Variants in RSC1A1 observed in about 807,000 individuals in gnomAD.
RSC1A1 encodes regulatory solute carrier protein family 1 member 1.
Under a neutral mutation model 7.7 loss-of-function variants are expected in RSC1A1, and 6 were observed. The ratio of observed to expected loss-of-function variants is 0.78; its 90% CI spans 0.43 to 1.53. The LOEUF is 1.53. RSC1A1 is among the 40% of genes most tolerant of loss of function. The pLI is 0.01. For synonymous variants in RSC1A1, 250 were observed against 263.0 expected (o/e 0.95, Z 0.48); for missense variants, 729 against 726.3 (o/e 1.00, Z -0.04).
Position 15,660,453 on chromosome 1 carries a change from C to A in RSC1A1, c.585C>A (p.Asp195Glu), listed in dbSNP as rs1324303479. ...HDQEYLCNIG[D>E]LELPEERQQN... ...AAGAATATCTTTGTAACATAGGGGA[C>A]CTTGAGCTTCCTGAAGAAAGGCAAC... Residue 195 changes from aspartate to glutamate, a missense_variant, in exon 1 of 1, where the codon GAC (aspartate) becomes GAA (glutamate). Asp to Glu is a conservative substitution (Grantham distance 45, BLOSUM62 2). Transcript: ENST00000345034. 4 of 1,613,970 alleles carry A rather than the reference C, an allele frequency of 2.5e-6. No homozygotes were observed. The African/African-American group carries it at 5.3e-5, about 22-fold the overall frequency.
rs777146024 is a variant in RSC1A1, at chr1:15,661,579, A to T, written c.1711A>T (p.Ile571Phe). The T allele has an allele frequency of 1.2e-6, 2 of 1,613,992 alleles. No individual in the cohort carries two copies. Among genetic ancestry groups the T allele is most frequent in the South Asian group, 2.2e-5 (2 of 91,064 alleles). The change falls in exon 1 of 1, where the codon ATT becomes TTT. Residue 571 changes from isoleucine to phenylalanine, a missense_variant. By Grantham distance (21) the Ile-to-Phe change is conservative. Coordinates refer to ENST00000345034, the MANE Select transcript of RSC1A1 (RefSeq NM_006511.3). ...SSSPAILPPL[I>F]FPATDIDRIL... ...AAGTCCTGCCATTCTTCCACCATTG[A>T]TTTTTCCTGCCACAGATATTGACCG...
rs970742370 is a variant in RSC1A1, at chr1:15,660,315, A to G, written c.447A>G (p.Glu149=). 6.2e-7 allele frequency: 1 copy of G among 1,614,186 alleles called. No homozygotes were observed. Among genetic ancestry groups the G allele is most frequent in the South Asian group, 1.1e-5 (1 of 91,086 alleles). Residue 149 remains glutamate, a synonymous_variant, in exon 1 of 1, where the codon GAA becomes GAG. Transcript: ENST00000345034. ...RMHEPQMFLG[E]KDWHPENQNL... ...ATGAACCACAGATGTTTCTAGGTGA[A>G]AAGGATTGGCATCCAGAAAATCAGA... is the stretch of plus-strand genomic sequence containing the variant.
Position 15,660,126 on chromosome 1 carries a change from T to C in RSC1A1, c.258T>C (p.His86=). The part of the protein sequence containing the change: ...DLSDHASSAD[H]APTDQSPAMP... The stretch of plus-strand genomic sequence containing the variant: ...CTGATCATGCTTCCTCAGCAGACCA[T>C]GCTCCAACAGACCAGAGTCCAGCTA... Residue 86 remains histidine, a synonymous_variant, in exon 1 of 1, where the codon CAT becomes CAC. Transcript: ENST00000345034. 1.2e-6 allele frequency: 2 copies of C among 1,614,224 alleles called. No homozygotes were observed. The highest frequency in any genetic ancestry group is 1.7e-6 in the Non-Finnish European group (2 of 1,180,040).
rs1368168920 is a variant in RSC1A1, at chr1:15,660,966, C to T, written c.1098C>T (p.Ser366=). ...LKELHELLVV[S]SKPASENTSE... Reference sequence around the variant, plus strand: ...AACTTCATGAACTTTTGGTTGTTAGCAGTAAACCAGCTTCAGAAAATACAT... The same window carrying T: ...AACTTCATGAACTTTTGGTTGTTAGTAGTAAACCAGCTTCAGAAAATACAT... Residue 366 remains serine, a synonymous_variant, in exon 1 of 1, where the codon AGC becomes AGT. Transcript: ENST00000345034. 1 of 1,613,590 alleles carries T rather than the reference C, an allele frequency of 6.2e-7. No homozygotes were observed. The highest frequency in any genetic ancestry group is 2.2e-5 in the East Asian group (1 of 44,874).
chr1:15,660,030 G>A lies in RSC1A1; in HGVS notation c.162G>A (p.Lys54=), dbSNP rs764765870. Residue 54 remains lysine, a synonymous_variant, in exon 1 of 1, where the codon AAG becomes AAA. Transcript: ENST00000345034. The part of the protein sequence containing the change: ...DSDRIEPKAV[K]ALKASAEFQL... ...ATCGCATTGAACCTAAAGCTGTGAA[G>A]GCTTTGAAGGCTTCAGCTGAATTCC... is the stretch of plus-strand genomic sequence containing the variant. The A allele has an allele frequency of 9.9e-6, 16 of 1,613,956 alleles. No homozygotes were observed. Among genetic ancestry groups the A allele is most frequent in the Non-Finnish European group, 1.1e-5 (13 of 1,180,018 alleles).
Position 15,661,185 on chromosome 1 carries a change from A to C in RSC1A1, c.1317A>C (p.Glu439Asp). 1 of 1,614,188 alleles carries C rather than the reference A, an allele frequency of 6.2e-7. No homozygotes were observed. The highest frequency in any genetic ancestry group is 8.5e-7 in the Non-Finnish European group (1 of 1,180,022). Residue 439 changes from glutamate (E) to aspartate (D), a missense_variant, in exon 1 of 1, where the codon GAA becomes GAC. Glu to Asp is a conservative substitution (Grantham distance 45, BLOSUM62 2). Transcript: ENST00000345034. The stretch of plus-strand genomic sequence containing the variant: ...GTACTTCATCTGACACTGGAAGAGA[A>C]GCTGTAGAAAATGTAAACTTCAGGA... The part of the protein sequence containing the change: ...LTGTSSDTGR[E>D]AVENVNFRSL...
In RSC1A1 at chr1:15,661,077, G is replaced by A; in HGVS notation, c.1209G>A (p.Glu403=). ...TTTCTGAAAGATGGACCCAAAATGA[G>A]CATCTTACCCAGAATGAACAGTGTC... ...KDLSERWTQN[E]HLTQNEQCPQ... is the part of the protein sequence containing the mutation. Residue 403 remains glutamate (E), a synonymous_variant, in exon 1 of 1, where the codon GAG becomes GAA. Coordinates refer to ENST00000345034, the MANE Select transcript of RSC1A1 (RefSeq NM_006511.3). 6.2e-7 allele frequency: 1 copy of A among 1,614,124 alleles called. No individual in the cohort carries two copies. The highest frequency in any genetic ancestry group is 1.1e-5 in the South Asian group (1 of 91,066).
rs1471394151 is a variant in RSC1A1, at chr1:15,661,730, A to G, written c.*8A>G. The G allele has an allele frequency of 6.3e-7, 1 of 1,599,300 alleles. No homozygotes were observed. The highest frequency in any genetic ancestry group is 1.3e-5 in the African/African-American group (1 of 74,606). On this transcript the variant is annotated 3_prime_UTR_variant, in exon 1 of 1. Transcript: ENST00000345034. ...ATCGTAGTTCCTACATGACTGTGGG[A>G]AAGTGGGCTAGACCGTTCTCCATTC...
At chr1:15,660,631 C>T in the RSC1A1 span, 10 of 1,614,158 alleles carry the variant, frequency 6.2e-6, 1 homozygote, top group East Asian at 4.5e-5. Flanking sequence ...CGATACAGCT[C>T]AACAGTCCCT....
In RSC1A1 at chr1:15,660,671, A is replaced by C; in HGVS notation, c.803A>C (p.Gln268Pro). 3.7e-6 allele frequency: 6 copies of C among 1,614,240 alleles called. No homozygotes were observed. The highest frequency in any genetic ancestry group is 5.1e-6 in the Non-Finnish European group (6 of 1,180,054). The change falls in exon 1 of 1, where the codon CAG becomes CCG. Residue 268 changes from glutamine to proline, a missense_variant. Physicochemically the swap from Gln to Pro is moderately conservative, Grantham distance 76 (BLOSUM62 -1). Transcript: ENST00000345034. ...ACTTTGCTTAATTCAACAGGCAGGC[A>C]GAATGCCAATGTCAAGAACATTGGT... is the stretch of plus-strand genomic sequence containing the variant. ...LVTLLNSTGRQNANVKNIGAL... is the reference protein window; with the variant it reads ...LVTLLNSTGRPNANVKNIGAL...
chr1:15,660,794 A>T lies in RSC1A1; in HGVS notation c.926A>T (p.Asp309Val), dbSNP rs138415353. Residue 309 changes from aspartate (D) to valine (V), a missense_variant, in exon 1 of 1, where the codon GAT becomes GTT. Physicochemically the swap from Asp to Val is radical, Grantham distance 152. Transcript: ENST00000345034. ...EILNDSISTQ[D>V]LQPPETNVEI... ...TTGAATGATTCCATTTCCACTCAGG[A>T]TTTACAGCCCCCAGAAACTAATGTT... 1 of 1,613,994 alleles carries T rather than the reference A, an allele frequency of 6.2e-7. No homozygotes were observed. Among genetic ancestry groups the T allele is most frequent in the Non-Finnish European group, 8.5e-7 (1 of 1,180,040 alleles).
chr1:15,661,472 G>A lies in RSC1A1; in HGVS notation c.1604G>A (p.Arg535Lys), dbSNP rs767434576. The change falls in exon 1 of 1, where the codon AGG becomes AAG. Residue 535 changes from arginine (R) to lysine (K), a missense_variant. Coordinates refer to ENST00000345034, the MANE Select transcript of RSC1A1 (RefSeq NM_006511.3). ...GGCATACAGAATTCAGTAACAGACA[G>A]GCCTGAAACCAGAGAAAATGTCTGT... is the stretch of plus-strand genomic sequence containing the variant. ...GQGIQNSVTD[R>K]PETRENVCPD... 1.3e-5 allele frequency: 21 copies of A among 1,613,782 alleles called. No homozygotes were observed. The highest frequency in any genetic ancestry group is 1.7e-5 in the Admixed American group (1 of 59,984).
Position 15,661,381 on chromosome 1 carries a change from A to G in RSC1A1, c.1513A>G (p.Asn505Asp). The G allele has an allele frequency of 1.2e-6, 2 of 1,614,212 alleles. No homozygotes were observed. The highest frequency in any genetic ancestry group is 2.2e-5 in the South Asian group (2 of 91,090). ...TTTAGCAGGTGAGGAGGATGCACTC[A>G]ATCAGACTTCTGAGCAAACTAAGTC... The part of the protein sequence containing the change: ...KLLAGEEDAL[N>D]QTSEQTKSLS... The change falls in exon 1 of 1, where the codon AAT becomes GAT. Residue 505 changes from asparagine (N) to aspartate (D), a missense_variant. By Grantham distance (23) the Asn-to-Asp change is conservative. Transcript: ENST00000345034.
At position 15,660,157 on chromosome 1, in the gene RSC1A1, A is replaced by T; in HGVS notation, c.289A>T (p.Met97Leu). 6.2e-7 allele frequency: 1 copy of T among 1,614,246 alleles called. No individual in the cohort carries two copies. Among genetic ancestry groups the T allele is most frequent in the Non-Finnish European group, 8.5e-7 (1 of 1,180,048 alleles). ...APTDQSPAMPMQNSSEEITVA... is the reference protein window; with the variant it reads ...APTDQSPAMPLQNSSEEITVA... The stretch of plus-strand genomic sequence containing the variant: ...AACAGACCAGAGTCCAGCTATGCCT[A>T]TGCAGAATTCATCCGAAGAAATAAC... The change falls in exon 1 of 1, where the codon ATG becomes TTG. Residue 97 changes from methionine to leucine, a missense_variant. Physicochemically the swap from Met to Leu is conservative, Grantham distance 15 (BLOSUM62 2). Coordinates refer to ENST00000345034, the MANE Select transcript of RSC1A1 (RefSeq NM_006511.3).
rs759213851 is a variant in RSC1A1 at position 15,661,086 on chromosome 1, C to T, written c.1218C>T (p.Thr406=). The stretch of plus-strand genomic sequence containing the variant: ...GATGGACCCAAAATGAGCATCTTAC[C>T]CAGAATGAACAGTGTCCACAAGTCT... ...SERWTQNEHL[T]QNEQCPQVSF... Residue 406 remains threonine, a synonymous_variant, in exon 1 of 1, where the codon ACC becomes ACT. Coordinates refer to ENST00000345034, the MANE Select transcript of RSC1A1 (RefSeq NM_006511.3). The T allele has an allele frequency of 1.9e-6, 3 of 1,613,968 alleles. No individual in the cohort carries two copies. Among genetic ancestry groups the T allele is most frequent in the Admixed American group, 1.7e-5 (1 of 59,996 alleles).
At chr1:15,660,833 CAAAT>C in the RSC1A1 span, 1 of 1,614,082 alleles carries the variant, frequency 6.2e-7, no homozygotes, top group Admixed American at 1.7e-5. Flanking sequence ...ATACCTGGAA[CAAAT>C]AAAGAATATG....
In RSC1A1 at chr1:15,661,440, A is replaced by G. The variant is rs1288556755; in HGVS notation, c.1572A>G (p.Leu524=). 6.2e-7 allele frequency: 1 copy of G among 1,614,138 alleles called. No homozygotes were observed. Among genetic ancestry groups the G allele is most frequent in the Non-Finnish European group, 8.5e-7 (1 of 1,180,006 alleles). ...CCAATTTCATATTGGTTAAAGACTTAGGTCAGGGCATACAGAATTCAGTAA... is the reference window on the plus strand; with the variant it reads ...CCAATTTCATATTGGTTAAAGACTTGGGTCAGGGCATACAGAATTCAGTAA... ...LSSNFILVKD[L]GQGIQNSVTD... is the part of the protein sequence containing the mutation. Residue 524 remains leucine (L), a synonymous_variant, in exon 1 of 1, where the codon TTA becomes TTG. Coordinates refer to ENST00000345034, the MANE Select transcript of RSC1A1 (RefSeq NM_006511.3).
rs34830712 is a variant in RSC1A1 at position 15,660,045 on chromosome 1, A to G, written c.177A>G (p.Ser59=). The G allele has an allele frequency of 1.2e-6, 2 of 1,613,990 alleles. No homozygotes were observed. Among genetic ancestry groups the G allele is most frequent in the South Asian group, 1.1e-5 (1 of 91,060 alleles). ...EPKAVKALKA[S]AEFQLNSEKK... is the part of the protein sequence containing the mutation. Reference sequence around the variant, plus strand: ...AAGCTGTGAAGGCTTTGAAGGCTTCAGCTGAATTCCAGCTAAACTCTGAAA... The same window carrying G: ...AAGCTGTGAAGGCTTTGAAGGCTTCGGCTGAATTCCAGCTAAACTCTGAAA... Residue 59 remains serine, a synonymous_variant, in exon 1 of 1, where the codon TCA becomes TCG. Transcript: ENST00000345034.
chr1:15,661,505 C>T lies in RSC1A1; in HGVS notation c.1637C>T (p.Ala546Val). The change falls in exon 1 of 1, where the codon GCT becomes GTT. Residue 546 changes from alanine (A) to valine (V), a missense_variant. Coordinates refer to ENST00000345034, the MANE Select transcript of RSC1A1 (RefSeq NM_006511.3). ...ACCAGAGAAAATGTCTGTCCTGATGCTTCGAGGCCATTACTTGAATATGAA... is the reference window on the plus strand; with the variant it reads ...ACCAGAGAAAATGTCTGTCCTGATGTTTCGAGGCCATTACTTGAATATGAA... ...PETRENVCPD[A>V]SRPLLEYEPP... 6.2e-7 allele frequency: 1 copy of T among 1,614,042 alleles called. No homozygotes were observed. Among genetic ancestry groups the T allele is most frequent in the Non-Finnish European group, 8.5e-7 (1 of 1,179,994 alleles).
Sources: gnomAD v4.1 joint callset for allele counts on GRCh38, gnomAD v4.1.1 for gene constraint, MANE v1.5 for transcripts, NCBI Gene and HGNC (gene_info 2026-07-23, HGNC 2026-07-21) for gene names.